The following TPRG1 variants were observed in gnomAD, a reference collection of about 807,000 sequenced individuals.
TPRG1 encodes the protein tumor protein p63-regulated gene 1 protein.
In TPRG1, 29 loss-of-function variants were observed where a neutral mutation model predicts 29.3. The ratio of observed to expected loss-of-function variants is 0.99; its 90% CI spans 0.74 to 1.35. TPRG1 has a LOEUF of 1.35. TPRG1 is among the 40% of genes most tolerant of loss of function. The probability of loss-of-function intolerance (pLI) is 0.00; values close to 1 mark genes in which losing one functional copy is unlikely to be tolerated. For synonymous variants in TPRG1, 130 were observed against 116.8 expected (o/e 1.11, Z -0.73); for missense variants, 327 against 335.0 (o/e 0.98, Z 0.19).
At chr3:189,239,073 G>A (rs1199020736) in intron 4 of TPRG1, 164 bp downstream of exon 4, 7 of 540,554 alleles carry the variant, frequency 1.3e-5, no homozygotes, top group Non-Finnish European at 2.2e-5. Flanking sequence ...CTCTATGTCA[G>A]CCTCCAGGGA....
intron 1 of TPRG1, among the ~76,000 whole-genome samples, chr3:189,101,947 AT>A (rs977612327): frequency 1.3e-4 from 20 of 151,956 alleles, no homozygotes; most frequent in African/African-American, 4.8e-4. Context: ...TTTTATTTTA[AT>A]TTTTTTGCAG....
rs189135469 is a variant in TPRG1, at chr3:189,322,049, C to A, written c.*1229C>A. The A allele has an allele frequency of 3.5e-4, 52 of 148,310 alleles. No individual in the cohort carries two copies. The highest frequency in any genetic ancestry group is 1.3e-3 in the African/African-American group (51 of 40,160). 9.2% of individuals were successfully genotyped at this position (148,310 alleles called of 1,614,324 possible). On this transcript the variant is annotated 3_prime_UTR_variant, in exon 6 of 6. Coordinates refer to ENST00000345063, the MANE Select transcript of TPRG1 (RefSeq NM_198485.4). Reference sequence around the variant, plus strand: ...TGTTTGCATCTCTCAAGTTTCTTTTCTTTTTTCTTTCAGAGTCTTATTTTA... The same window carrying A: ...TGTTTGCATCTCTCAAGTTTCTTTTATTTTTTCTTTCAGAGTCTTATTTTA...
intron 4 of TPRG1, among the ~76,000 whole-genome samples, chr3:189,304,976 A>G (rs1033369635): frequency 6.6e-6 from 1 of 151,960 alleles, no homozygotes; most frequent in African/African-American, 2.4e-5. Context: ...GTGCTTCCTC[A>G]TAAATCTCGG....
chr3:189,280,686 G>T (rs2109134509), intron 4 of TPRG1, among the ~76,000 whole-genome samples: 1 of 152,254 alleles, frequency 6.6e-6, no homozygotes, highest in African/African-American at 2.4e-5. Flanking sequence ...AAGACAGATA[G>T]CCTGGGTTAA....
chr3:189,125,354 G>A (rs374798335), intron 1 of TPRG1, among the ~76,000 whole-genome samples: 4 of 152,144 alleles, frequency 2.6e-5, no homozygotes, highest in African/African-American at 7.2e-5. Context: ...TGTTTTTGAG[G>A]ATCAAAAGAA....
intron 4 of TPRG1, among the ~76,000 whole-genome samples, chr3:189,055,652 A>G (rs116535045): frequency 2.0e-5 from 3 of 152,288 alleles, no homozygotes; most frequent in Admixed American, 6.5e-5. Context: ...CTGTGTAGGC[A>G]AACAGTTTCT....
chr3:189,085,015 C>T (rs921644191), intron 4 of TPRG1, among the ~76,000 whole-genome samples: 2 of 152,318 alleles, frequency 1.3e-5, no homozygotes, highest in African/African-American at 4.8e-5. Context: ...AACATTTTCT[C>T]ATATGATCCT....
intron 3 of TPRG1, among the ~76,000 whole-genome samples, chr3:189,009,269 T>C (rs1712469149): frequency 6.6e-6 from 1 of 152,110 alleles, no homozygotes. Flanking sequence ...ATTAGGGTTG[T>C]GGAAGGATTG....
chr3:189,039,819 C>A (rs187694006), intron 4 of TPRG1, among the ~76,000 whole-genome samples: 1 of 146,930 alleles, frequency 6.8e-6, no homozygotes, highest in African/African-American at 2.5e-5. Flanking sequence ...GGAGATCATT[C>A]TGATATCTTC....
intron 1 of TPRG1, among the ~76,000 whole-genome samples, chr3:189,175,928 C>T (rs1480303513): frequency 6.6e-6 from 1 of 152,072 alleles, no homozygotes; most frequent in African/African-American, 2.4e-5. Context: ...GTCCTTTGGT[C>T]TGGGAAGCAG....
intron 3 of TPRG1, among the ~76,000 whole-genome samples, chr3:189,134,817 T>A (rs2108544631): frequency 6.6e-6 from 1 of 152,292 alleles, no homozygotes; most frequent in Non-Finnish European, 1.5e-5. Flanking sequence ...GATCTAGTCA[T>A]GACTAGAGCC....
At chr3:189,298,980 C>T (rs1007886074) in intron 4 of TPRG1, among the ~76,000 whole-genome samples, 3 of 152,052 alleles carry the variant, frequency 2.0e-5, no homozygotes, top group African/African-American at 7.2e-5. Context: ...GGTCTAACTG[C>T]CCGTGTATGT....
intron 1 of TPRG1, among the ~76,000 whole-genome samples, chr3:188,998,267 T>C (rs941777382): frequency 6.6e-6 from 1 of 152,206 alleles, no homozygotes; most frequent in African/African-American, 2.4e-5. Context: ...GAAAGACCTT[T>C]GTAAGGAAAT....
At chr3:189,100,513 T>C (rs1284398879) in intron 1 of TPRG1, among the ~76,000 whole-genome samples, 6 of 152,194 alleles carry the variant, frequency 3.9e-5, no homozygotes, top group African/African-American at 7.2e-5. Context: ...AACTGTCACA[T>C]AATGAATTAT....
At chr3:189,016,593 A>G (rs537813641) in intron 3 of TPRG1, among the ~76,000 whole-genome samples, 1 of 152,230 alleles carries the variant, frequency 6.6e-6, no homozygotes, top group African/African-American at 2.4e-5. Context: ...CCCAAATCTC[A>G]TTTCAAATTT....
At chr3:189,176,575 G>A (rs978864343) in intron 1 of TPRG1, among the ~76,000 whole-genome samples, 1 of 152,162 alleles carries the variant, frequency 6.6e-6, no homozygotes, top group Non-Finnish European at 1.5e-5. Context: ...CAGAGAAAGA[G>A]GATAGAAAGT....
In TPRG1 at chr3:189,212,778, T is replaced by A. The variant is rs1735472799; in HGVS notation, c.211-2514T>A. On this transcript the variant is annotated intron_variant, in intron 2 of 5. Transcript: ENST00000345063. ...GTCTGAGTCTGCAGAGACATTCTTT[T>A]CTATACCACTCCTGTTTAGCTAAGG... Among the ~76,000 whole-genome samples, 3 of 152,182 alleles carry A rather than the reference T, an allele frequency of 2.0e-5. No individual in the cohort carries two copies. The South Asian group carries it at 6.2e-4, about 32-fold the overall frequency.
At chr3:189,248,530 T>C (rs980419682) in intron 4 of TPRG1, among the ~76,000 whole-genome samples, 2 of 151,398 alleles carry the variant, frequency 1.3e-5, no homozygotes, top group Non-Finnish European at 3.0e-5. Context: ...TTTTATAACT[T>C]CACTTGAAAT....
intron 4 of TPRG1, among the ~76,000 whole-genome samples, chr3:189,297,354 T>C (rs1346931083): frequency 6.6e-6 from 1 of 152,180 alleles, no homozygotes; most frequent in East Asian, 1.9e-4. Context: ...CACTTCTCAT[T>C]CAATACCCAT....
Sources: gnomAD v4.1 joint callset for allele counts (sites outside exome capture counted in the v4.1 genomes callset) on GRCh38, gnomAD v4.1.1 for gene constraint, MANE v1.5 for transcripts, NCBI Gene and HGNC (gene_info 2026-07-23, HGNC 2026-07-21) for gene names.